TAFA4: variants seen among roughly 807,000 people sequenced by gnomAD.
The protein encoded by TAFA4 is chemokine-like protein TAFA-4.
TAFA4 carries 20 observed loss-of-function variants against 21.1 expected under a neutral mutation model. That is an observed-to-expected ratio of 0.95 (90% CI 0.67 to 1.38). The LOEUF (loss-of-function observed/expected upper bound fraction) is 1.38. Ranked by LOEUF, TAFA4 falls within the 40% of genes most tolerant of loss-of-function variation. The pLI, the probability that TAFA4 is intolerant of heterozygous loss-of-function variation, is 0.00. For missense variants in TAFA4, 211 were observed against 180.9 expected, an observed-to-expected ratio of 1.17 and a Z score of -0.95; for synonymous variants, 71 against 67.4, an observed-to-expected ratio of 1.05 and a Z score of -0.26.
intron 3 of TAFA4, among the ~76,000 whole-genome samples, chr3:68,792,192 T>G (rs971092): frequency 0.47 from 71,341 of 152,048 alleles, 17,175 homozygotes; most frequent in African/African-American, 0.53. Flanking sequence ...TTATTAAGTA[T>G]TACTTATCAA....
At chr3:68,739,349 C>T (rs1462246683) in intron 4 of TAFA4, 150 bp from the exon 5 acceptor site, 5 of 933,070 alleles carry the variant, frequency 5.4e-6, no homozygotes, top group East Asian at 5.2e-5. Context: ...CAGGCATATA[C>T]TCTACAAAAT....
At chr3:68,777,833 G>A (rs1257488957) in intron 3 of TAFA4, among the ~76,000 whole-genome samples, 4 of 152,024 alleles carry the variant, frequency 2.6e-5, no homozygotes, top group African/African-American at 9.7e-5. Flanking sequence ...GTGTACAACT[G>A]CCTACAGTAA....
chr3:68,814,971 G>A (rs1703933643), intron 3 of TAFA4, among the ~76,000 whole-genome samples: 1 of 152,112 alleles, frequency 6.6e-6, no homozygotes, highest in African/African-American at 2.4e-5. Context: ...CAGAGATATA[G>A]ACCAATGGAA....
chr3:68,785,801 G>A (rs1472049905), intron 3 of TAFA4, among the ~76,000 whole-genome samples: 2 of 152,112 alleles, frequency 1.3e-5, no homozygotes, highest in Non-Finnish European at 1.5e-5. Flanking sequence ...GCGAGAGTGA[G>A]CGAGGGCTGT....
At chr3:68,921,632 T>A (rs1045163990) in intron 1 of TAFA4, among the ~76,000 whole-genome samples, 5 of 152,206 alleles carry the variant, frequency 3.3e-5, no homozygotes, top group African/African-American at 1.2e-4. Context: ...AATCTTCGAT[T>A]ATTCCCAGAA....
At chr3:68,878,058 A>AC (rs1301723057) in intron 3 of TAFA4, among the ~76,000 whole-genome samples, 3 of 151,960 alleles carry the variant, frequency 2.0e-5, no homozygotes, top group Admixed American at 6.6e-5. Context: ...TTGACTTTAG[A>AC]CCCCCCAACA....
At chr3:68,744,806 C>G (rs1702424312) in intron 4 of TAFA4, among the ~76,000 whole-genome samples, 1 of 152,174 alleles carries the variant, frequency 6.6e-6, no homozygotes, top group African/African-American at 2.4e-5. Context: ...AGACAGAACT[C>G]TTATGAGATT....
intron 1 of TAFA4, among the ~76,000 whole-genome samples, chr3:68,924,180 G>A (rs943633284): frequency 6.6e-6 from 1 of 152,170 alleles, no homozygotes; most frequent in Non-Finnish European, 1.5e-5. Context: ...ACAGATGTTT[G>A]TATACCTATG....
Position 68,872,510 on chromosome 3 carries a change from A to C in TAFA4, c.130+8220T>G, listed in dbSNP as rs7617007. Among the ~76,000 whole-genome samples the C allele has an allele frequency of 5.4e-3, 824 of 152,228 alleles. 9 individuals are homozygous for C. Among genetic ancestry groups the C allele is most frequent in the African/African-American group, 0.019 (783 of 41,546 alleles). ...TAGTATGGTACGGTAACTATAGTTA[A>C]CAATAATTTAGTTTTAGTTCAAAAT... On this transcript the variant is annotated intron_variant, in intron 3 of 5. Transcript: ENST00000295569.
chr3:68,819,760 C>T (rs569747205), intron 3 of TAFA4, among the ~76,000 whole-genome samples: 21 of 152,008 alleles, frequency 1.4e-4, no homozygotes, highest in African/African-American at 2.4e-4. Context: ...CCAGTTAGGA[C>T]GGCTATTATC....
At chr3:68,864,340 A>G (rs1234288662) in intron 3 of TAFA4, among the ~76,000 whole-genome samples, 1 of 152,166 alleles carries the variant, frequency 6.6e-6, no homozygotes, top group East Asian at 1.9e-4. Flanking sequence ...CAAGCAAATG[A>G]AAGATGTGCA....
intron 3 of TAFA4, among the ~76,000 whole-genome samples, chr3:68,758,933 G>A (rs1245738350): frequency 1.3e-5 from 2 of 152,212 alleles, no homozygotes; most frequent in African/African-American, 4.8e-5. Context: ...TGCAATTATG[G>A]TAGTAGGCAA....
intron 1 of TAFA4, chr3:68,913,536 G>A (rs914469143): frequency 6.6e-6 from 1 of 152,220 alleles, no homozygotes; most frequent in African/African-American, 2.4e-5. Flanking sequence ...GGGAAAGGCT[G>A]CCAAAGACAA....
At chr3:68,777,368 A>C (rs1332306423) in intron 3 of TAFA4, among the ~76,000 whole-genome samples, 2 of 151,856 alleles carry the variant, frequency 1.3e-5, no homozygotes, top group Non-Finnish European at 2.9e-5. Context: ...GTGTAGATAA[A>C]AATGTGCCAT....
chr3:68,772,629 T>C (rs1016380130), intron 3 of TAFA4, among the ~76,000 whole-genome samples: 2 of 152,166 alleles, frequency 1.3e-5, no homozygotes, highest in Non-Finnish European at 2.9e-5. Context: ...TTCCAAGGCA[T>C]AGCTTCACGT....
At chr3:68,821,070 T>C (rs1195671701) in intron 3 of TAFA4, among the ~76,000 whole-genome samples, 1 of 152,228 alleles carries the variant, frequency 6.6e-6, no homozygotes, top group African/African-American at 2.4e-5. Flanking sequence ...ACTAATGTGC[T>C]GTGTGTTTTA....
At chr3:68,837,209 T>A (rs1225260128) in intron 3 of TAFA4, among the ~76,000 whole-genome samples, 1 of 152,210 alleles carries the variant, frequency 6.6e-6, no homozygotes, top group Non-Finnish European at 1.5e-5. Flanking sequence ...GGCTCTAATC[T>A]CTTGCTATGC....
At chr3:68,756,061 GGAAATCCT>G (rs757004436) in intron 3 of TAFA4, among the ~76,000 whole-genome samples, 27 of 152,156 alleles carry the variant, frequency 1.8e-4, no homozygotes, top group Admixed American at 4.6e-4. Flanking sequence ...CACTCTCATG[GGAAATCCT>G]GAGCCAGAAC....
intron 3 of TAFA4, among the ~76,000 whole-genome samples, chr3:68,794,743 C>T (rs2106817918): frequency 6.6e-6 from 1 of 152,122 alleles, no homozygotes; most frequent in Non-Finnish European, 1.5e-5. Flanking sequence ...ACACTCCATA[C>T]CTCAGAAAGC....
Sources: allele counts gnomAD v4.1 joint callset (sites outside exome capture counted in the v4.1 genomes callset), GRCh38; gene constraint gnomAD v4.1.1; transcripts MANE v1.5; gene names NCBI Gene and HGNC (gene_info 2026-07-23, HGNC 2026-07-21).